Variants in OXNAD1 observed in about 807,000 individuals in gnomAD.
OXNAD1 encodes the protein oxidoreductase NAD binding domain containing 1.
Under a neutral mutation model 32.9 loss-of-function variants are expected in OXNAD1, and 34 were observed. The observed-to-expected ratio is 1.03, with a 90% CI of 0.79 to 1.38. The LOEUF (loss-of-function observed/expected upper bound fraction) is 1.38, where lower values mean the gene tolerates loss of function less well. Ranked by LOEUF, OXNAD1 falls within the 40% of genes most tolerant of loss-of-function variation. OXNAD1 has a pLI of 0.00. For synonymous variants in OXNAD1, 134 were observed against 135.2 expected, an observed-to-expected ratio of 0.99 and a Z score of 0.06; for missense variants, 407 against 379.4, an observed-to-expected ratio of 1.07 and a Z score of -0.60.
At chr3:16,306,106 T>C (rs1241078003), downstream of OXNAD1, 2 of 152,200 alleles carry the variant, frequency 1.3e-5, no homozygotes, top group African/African-American at 4.8e-5. Flanking sequence ...CTCTATGAGT[T>C]TGAAAAAATG....
intron 9 of OXNAD1, among the ~76,000 whole-genome samples, chr3:16,311,327 TG>T (rs11319155): frequency 1 from 152,169 of 152,170 alleles, 76,084 homozygotes; most frequent in Non-Finnish European, 1. Flanking sequence ...CCCGAGTAGC[TG>T]GGGATTACAG....
In OXNAD1 at chr3:16,268,079, G is replaced by GAT. The variant is rs534154523; in HGVS notation, c.-158-1040_-158-1039dup. Reference sequence around the variant, plus strand: ...CTTTATATGGTTTTAGAAATAACTTGATATATATTGATCTGCTGTGGTTGA... The same window carrying GAT: ...CTTTATATGGTTTTAGAAATAACTTGATATATATATTGATCTGCTGTGGTTGA... On this transcript the variant is annotated intron_variant, in intron 1 of 8. Coordinates refer to ENST00000285083, the MANE Select transcript of OXNAD1 (RefSeq NM_138381.5). 2.3e-4 allele frequency among the ~76,000 whole-genome samples: 35 copies of GAT among 152,174 alleles called. 1 individual carries two copies. In the South Asian group the frequency reaches 6.6e-3, roughly 29 times the overall value.
At chr3:16,307,115 ATTTCTTTCAT>A (rs1426867340), downstream of OXNAD1, among the ~76,000 whole-genome samples, 2 of 152,154 alleles carry the variant, frequency 1.3e-5, no homozygotes, top group Non-Finnish European at 2.9e-5. Flanking sequence ...TTGATGCTTG[ATTTCTTTCAT>A]TTATCAGTTA....
At chr3:16,323,250 A>C in intron 9 of OXNAD1, 2 of 673,126 alleles carry the variant, frequency 3.0e-6, no homozygotes, top group Non-Finnish European at 5.2e-6. Flanking sequence ...CCAGGGGCTC[A>C]GGTGTTCCTT....
chr3:16,341,876 A>G (rs1289891469), downstream of OXNAD1, among the ~76,000 whole-genome samples: 1 of 152,212 alleles, frequency 6.6e-6, no homozygotes, highest in Non-Finnish European at 1.5e-5. The surrounding 1 kb of genome is among the most constrained non-coding windows in gnomAD (Gnocchi z 4.7). Flanking sequence ...TTTGTAAAAA[A>G]TATGCAAATA....
At position 16,345,821 on chromosome 3, in the gene OXNAD1, CGCGCGCGT is replaced by C. The variant is rs779101598; in HGVS notation, c.*31-3348_*31-3341del. 7.7e-3 allele frequency among the ~76,000 whole-genome samples: 664 copies of C among 86,108 alleles called. 7 individuals carry two copies. Among genetic ancestry groups the C allele is most frequent in the African/African-American group, 0.027 (647 of 24,276 alleles). The allele number at this position is 86,108 out of a possible 152,430, so 56.5% of individuals were successfully genotyped here. A position where few individuals can be genotyped will look rare whatever the true frequency, so the allele number is the denominator to read the frequency against. On this transcript the variant is annotated intron_variant, in intron 9 of 9. Transcript: ENST00000606098. The surrounding 1 kb of genome is among the most constrained non-coding windows in gnomAD (Gnocchi z 5.2). ...GTGTGTGTGTGTGTGTGTGTGTGCG[CGCGCGCGT>C]GCGCGCACGCGCACATGTGCATGTG...
chr3:16,306,627 TAAAG>T (rs2067582518), downstream of OXNAD1, among the ~76,000 whole-genome samples: 1 of 152,242 alleles, frequency 6.6e-6, no homozygotes, highest in African/African-American at 2.4e-5. Flanking sequence ...ATTCATTTGT[TAAAG>T]AAACTGACTT....
At chr3:16,323,595 A>C in intron 9 of OXNAD1, 4 of 585,074 alleles carry the variant, frequency 6.8e-6, no homozygotes, top group East Asian at 2.9e-5. Flanking sequence ...CGCCTGCTCT[A>C]CTCTTCCGCT....
chr3:16,306,422 C>G (rs1004067487), downstream of OXNAD1, among the ~76,000 whole-genome samples: 1 of 152,208 alleles, frequency 6.6e-6, no homozygotes, highest in African/African-American at 2.4e-5. Context: ...CACCTCAGCA[C>G]AACCACAATG....
rs1042768715 is a variant in OXNAD1 at position 16,327,013 on chromosome 3, C to T, written c.*31-10099C>T. 14 of 610,880 alleles carry T rather than the reference C, an allele frequency of 2.3e-5. No individual in the cohort carries two copies. Among genetic ancestry groups the T allele is most frequent in the South Asian group, 8.0e-5 (4 of 49,880 alleles). The allele number at this position is 610,880 out of a possible 1,614,324, so 37.8% of individuals were successfully genotyped here. ...CCCGGCCACTCAGAGGCTCCTGCTC[C>T]GATGCTTGCTGAAGACTTTAAAAGT... On this transcript the variant is annotated intron_variant, in intron 9 of 9. Coordinates refer to the OXNAD1 transcript ENST00000435829. The surrounding 1 kb of genome is among the most constrained non-coding windows in gnomAD (Gnocchi z 4.2).
intron 4 of OXNAD1, chr3:16,275,905 A>G (rs1004856757): frequency 1.3e-5 from 2 of 153,060 alleles, no homozygotes; most frequent in African/African-American, 4.8e-5. Flanking sequence ...GAAATTATCA[A>G]AGTAATAGTT....
intron 9 of OXNAD1, chr3:16,323,352 A>C: frequency 6.5e-7 from 1 of 1,549,058 alleles, no homozygotes; most frequent in Non-Finnish European, 8.9e-7. Flanking sequence ...AGGAAAACCT[A>C]GGAAGGCCAT....
chr3:16,314,223 G>A lies in OXNAD1; in HGVS notation c.*30+10631G>A, dbSNP rs918114571. 2.6e-5 allele frequency among the ~76,000 whole-genome samples: 4 copies of A among 152,150 alleles called. No homozygotes were observed. The highest frequency in any genetic ancestry group is 2.6e-4 in the Admixed American group (4 of 15,268). On this transcript the variant is annotated intron_variant, in intron 9 of 9. Coordinates refer to the OXNAD1 transcript ENST00000435829. The surrounding 1 kb of genome is among the most constrained non-coding windows in gnomAD (Gnocchi z 4.4). ...TTTTACTGTCCGTGGGACCTGGTCAGTGCAAATGATGGCTTTTTACCCTAT... is the reference window on the plus strand; with the variant it reads ...TTTTACTGTCCGTGGGACCTGGTCAATGCAAATGATGGCTTTTTACCCTAT...
In OXNAD1 at chr3:16,271,157, C is replaced by T. The variant is rs1471280869; in HGVS notation, c.119+86C>T. 1.4e-6 allele frequency: 2 copies of T among 1,480,814 alleles called. No individual in the cohort carries two copies. Among genetic ancestry groups the T allele is most frequent in the African/African-American group, 2.8e-5 (2 of 71,502 alleles). The allele number at this position is 1,480,814 out of a possible 1,614,324, so 91.7% of individuals were successfully genotyped here. On this transcript the variant is annotated intron_variant, in intron 3 of 8. Transcript: ENST00000285083. This position sits in a 1 kb window ranked among gnomAD's most constrained non-coding sequence, Gnocchi z 4.6. ...ATGGTTGTGGGAGGCATATCAAACT[C>T]CCGGAAAGGTAACACCTTAGCTTCA...
intron 5 of OXNAD1, among the ~76,000 whole-genome samples, chr3:16,291,674 C>G (rs7625617): frequency 0.012 from 1,841 of 152,268 alleles, 30 homozygotes; most frequent in African/African-American, 0.042. Context: ...CACTTTGGGG[C>G]TATTGTGAAT....
chr3:16,340,143 C>G (rs1234322106), downstream of OXNAD1, among the ~76,000 whole-genome samples: 2 of 152,222 alleles, frequency 1.3e-5, no homozygotes, highest in African/African-American at 4.8e-5. Flanking sequence ...TGTTTCTGTT[C>G]CATTGCCACG....
In OXNAD1 at chr3:16,329,333, C is replaced by T. The variant is rs796859365; in HGVS notation, c.*31-7779C>T. Among the ~76,000 whole-genome samples the T allele has an allele frequency of 1.4e-5, 2 of 147,720 alleles. No homozygotes were observed. The highest frequency in any genetic ancestry group is 2.1e-4 in the South Asian group (1 of 4,712). On this transcript the variant is annotated intron_variant, in intron 9 of 9. Coordinates refer to the OXNAD1 transcript ENST00000435829. The surrounding 1 kb of genome is among the most constrained non-coding windows in gnomAD (Gnocchi z 4.5). The stretch of plus-strand genomic sequence containing the variant: ...ACAGCACAAGTGGACCGAGACAGGG[C>T]GGAAGTGGAGAAAGGGAAAGGGAAA...
In OXNAD1 at chr3:16,316,330, T is replaced by G; in HGVS notation, c.*30+12738T>G. On this transcript the variant is annotated intron_variant, in intron 9 of 9. Coordinates refer to the OXNAD1 transcript ENST00000435829. The surrounding 1 kb of genome is among the most constrained non-coding windows in gnomAD (Gnocchi z 4.5). Reference sequence around the variant, plus strand: ...CATTTTCTTTGTCAAAGCAGAAGAGTCGAAGGGGTTTAGGTGGAGGAGGGC... The same window carrying G: ...CATTTTCTTTGTCAAAGCAGAAGAGGCGAAGGGGTTTAGGTGGAGGAGGGC... The G allele has an allele frequency of 1.2e-5, 2 of 163,032 alleles. No individual in the cohort carries two copies. The highest frequency in any genetic ancestry group is 1.3e-5 in the Non-Finnish European group (1 of 76,206). 10.1% of individuals were successfully genotyped at this position (163,032 alleles called of 1,614,324 possible).
At chr3:16,326,729 G>C in intron 9 of OXNAD1, 1 of 1,416,258 alleles carries the variant, frequency 7.1e-7, no homozygotes, top group South Asian at 1.2e-5. Context: ...GACTAGCACA[G>C]AGTAAGTGTT....
Sources: gnomAD v4.1 joint callset for allele counts (sites outside exome capture counted in the v4.1 genomes callset) on GRCh38, gnomAD v4.1.1 for gene constraint, Gnocchi (gnomAD v3.1) non-coding constraint, MANE v1.5 for transcripts, NCBI Gene and HGNC (gene_info 2026-07-23, HGNC 2026-07-21) for gene names.